The following VIT variants were observed in gnomAD, a reference collection of about 807,000 sequenced individuals.
The protein encoded by VIT is vitrin.
VIT carries 99 observed loss-of-function variants against 78.0 expected under a neutral mutation model. The observed-to-expected ratio is 1.27, with a 90% CI of 1.08 to 1.50. VIT has a LOEUF of 1.50. VIT is among the 40% of genes most tolerant of loss of function. VIT has a pLI of 0.00. For missense variants in VIT, 1,126 were observed against 875.3 expected, an observed-to-expected ratio of 1.29 and a Z score of -3.61; for synonymous variants, 374 against 334.3, an observed-to-expected ratio of 1.12 and a Z score of -1.29.
At chr2:36,767,354 C>T in intron 7 of VIT, 69 bp downstream of exon 7, 1 of 1,398,324 alleles carries the variant, frequency 7.2e-7, no homozygotes, top group Non-Finnish European at 9.4e-7. Context: ...AGTAACAGCT[C>T]TGTCTGAGCA....
intron 7 of VIT, among the ~76,000 whole-genome samples, chr2:36,773,460 A>T (rs1669872180): frequency 6.6e-6 from 1 of 152,004 alleles, no homozygotes; most frequent in Admixed American, 6.6e-5. Flanking sequence ...GTTAAAATTT[A>T]TTGGCCGGGT....
chr2:36,814,557 T>C lies in VIT; in HGVS notation c.*196T>C, dbSNP rs1364981015. ...AGTTACAAAGATGATCACAAACGTA[T>C]AGAATGAGCCAAAAGGCTACATCAT... On this transcript the variant is annotated 3_prime_UTR_variant, in exon 16 of 16. Transcript: ENST00000379242. 9.2e-6 allele frequency: 6 copies of C among 649,560 alleles called. No homozygotes were observed. The highest frequency in any genetic ancestry group is 2.5e-6 in the Non-Finnish European group (1 of 399,622). The allele number at this position is 649,560 out of a possible 1,614,324, so 40.2% of individuals were successfully genotyped here.
At chr2:36,804,766 G>A (rs1377749347) in intron 13 of VIT, among the ~76,000 whole-genome samples, 1 of 151,894 alleles carries the variant, frequency 6.6e-6, no homozygotes, top group Non-Finnish European at 1.5e-5. Flanking sequence ...GGAGGTGGAG[G>A]TTGCAGTGAG....
At chr2:36,812,087 C>T (rs1327517897) in intron 15 of VIT, among the ~76,000 whole-genome samples, 3 of 152,214 alleles carry the variant, frequency 2.0e-5, no homozygotes, top group African/African-American at 7.2e-5. Context: ...AGCAAAGCTG[C>T]TCTCACTGAC....
chr2:36,698,118 T>C (rs563477159), intron 1 of VIT, among the ~76,000 whole-genome samples: 3 of 148,186 alleles, frequency 2.0e-5, no homozygotes, highest in African/African-American at 5.0e-5. Flanking sequence ...TACAAAAAGC[T>C]TTAGACAAAG....
chr2:36,736,414 A>T (rs532139044), intron 3 of VIT, among the ~76,000 whole-genome samples: 1 of 152,358 alleles, frequency 6.6e-6, no homozygotes, highest in Non-Finnish European at 1.5e-5. Context: ...CACATAAATT[A>T]TGTCCACCAG....
intron 1 of VIT, among the ~76,000 whole-genome samples, chr2:36,708,645 A>G (rs1255168007): frequency 6.6e-6 from 1 of 151,770 alleles, no homozygotes; most frequent in African/African-American, 2.4e-5. Flanking sequence ...TGGCTGAACA[A>G]CTCCCAGTTC....
intron 1 of VIT, among the ~76,000 whole-genome samples, chr2:36,711,716 A>G (rs1373828524): frequency 6.6e-6 from 1 of 152,250 alleles, no homozygotes; most frequent in African/African-American, 2.4e-5. Context: ...ATGCACACGA[A>G]GTCGCTTTAT....
intron 3 of VIT, among the ~76,000 whole-genome samples, chr2:36,738,787 T>G (rs754502202): frequency 1.4e-4 from 21 of 152,224 alleles, no homozygotes; most frequent in Non-Finnish European, 2.6e-4. Context: ...TGGCAAGTAT[T>G]GGCAAGCCTA....
intron 4 of VIT, among the ~76,000 whole-genome samples, chr2:36,750,983 C>T (rs754775159): frequency 5.3e-5 from 8 of 152,058 alleles, no homozygotes; most frequent in African/African-American, 1.2e-4. Context: ...GTTAGGGCTA[C>T]GCGTGGTGGC....
At position 36,797,782 on chromosome 2, in the gene VIT, G is replaced by A. The variant is rs896750045; in HGVS notation, c.1059-3519G>A. ...TGCATGATGGGGCTAGCACCCTATGGAACACCAAAGTTTAGAGGTTTAGAG... is the reference window on the plus strand; with the variant it reads ...TGCATGATGGGGCTAGCACCCTATGAAACACCAAAGTTTAGAGGTTTAGAG... On this transcript the variant is annotated intron_variant, in intron 12 of 15. Coordinates refer to ENST00000379242, the MANE Select transcript of VIT (RefSeq NM_053276.4). Among the ~76,000 whole-genome samples the A allele has an allele frequency of 4.6e-5, 7 of 152,278 alleles. No individual in the cohort carries two copies. The East Asian group carries it at 1.4e-3, about 29-fold the overall frequency.
chr2:36,764,648 C>G (rs1192226028), intron 6 of VIT, among the ~76,000 whole-genome samples: 1 of 152,200 alleles, frequency 6.6e-6, no homozygotes, highest in Non-Finnish European at 1.5e-5. Context: ...CAGCTAATGC[C>G]TGCAAGAGCA....
intron 3 of VIT, among the ~76,000 whole-genome samples, chr2:36,730,243 A>AT (rs1667110783): frequency 6.6e-6 from 1 of 151,840 alleles, no homozygotes; most frequent in African/African-American, 2.4e-5. Flanking sequence ...AGCCCAGATC[A>AT]TACCACTGAA....
At chr2:36,742,554 T>G (rs540289070) in intron 3 of VIT, among the ~76,000 whole-genome samples, 1 of 152,148 alleles carries the variant, frequency 6.6e-6, no homozygotes, top group Non-Finnish European at 1.5e-5. Context: ...ACATCCTACA[T>G]AGAACACAAG....
chr2:36,770,616 T>C (rs1018992012), intron 7 of VIT, among the ~76,000 whole-genome samples: 1 of 152,014 alleles, frequency 6.6e-6, no homozygotes, highest in African/African-American at 2.4e-5. Flanking sequence ...CTGTTCTTCA[T>C]GGGAAAGGCC....
chr2:36,813,469 A>G (rs1426560858), intron 15 of VIT, among the ~76,000 whole-genome samples: 3 of 152,102 alleles, frequency 2.0e-5, no homozygotes, highest in Admixed American at 6.5e-5. Flanking sequence ...ACAAAAACCC[A>G]TTGAGCACTT....
chr2:36,716,176 G>C (rs1249469163), intron 1 of VIT, among the ~76,000 whole-genome samples, 177 bp from the exon 2 acceptor site: 3 of 152,154 alleles, frequency 2.0e-5, no homozygotes, highest in African/African-American at 7.2e-5. Flanking sequence ...GCATCTCTGG[G>C]TACCAGCAAG....
intron 12 of VIT, among the ~76,000 whole-genome samples, chr2:36,799,524 C>T (rs1666158890): frequency 6.6e-6 from 1 of 151,998 alleles, no homozygotes; most frequent in Non-Finnish European, 1.5e-5. Context: ...TAAGACCAGC[C>T]AGGGGCAACA....
intron 5 of VIT, among the ~76,000 whole-genome samples, chr2:36,756,729 G>A (rs1053238086): frequency 6.6e-6 from 1 of 152,128 alleles, no homozygotes; most frequent in African/African-American, 2.4e-5. Flanking sequence ...AATTCACAAC[G>A]GGAGCCATAT....
Sources: gnomAD v4.1 joint callset for allele counts (sites outside exome capture counted in the v4.1 genomes callset) on GRCh38, gnomAD v4.1.1 for gene constraint, MANE v1.5 for transcripts, NCBI Gene and HGNC (gene_info 2026-07-23, HGNC 2026-07-21) for gene names.